The following RGS2 variants were observed in gnomAD, a reference collection of about 807,000 sequenced individuals.
RGS2 encodes the protein G0 to G1 switch regulatory 8, 24kD.
Under a neutral mutation model 26.6 loss-of-function variants are expected in RGS2, and 20 were observed. The observed-to-expected ratio is 0.75, with a 90% CI of 0.53 to 1.09. The LOEUF (loss-of-function observed/expected upper bound fraction) is 1.09, where lower values mean the gene tolerates loss of function less well. RGS2 is among the 50% of genes least tolerant of loss of function. The pLI is 0.00. For missense variants in RGS2, 246 were observed against 245.5 expected (o/e 1.00, Z -0.01); for synonymous variants, 97 against 79.9 (o/e 1.21, Z -1.14).
chr1:192,810,432 G>C lies in RGS2; in HGVS notation c.274+1G>C, dbSNP rs547204431. On this transcript the variant is annotated splice_donor_variant, in intron 3 of 4. Coordinates refer to ENST00000235382, the MANE Select transcript of RGS2 (RefSeq NM_002923.4). LOFTEE classifies it high-confidence loss of function. Reference sequence around the variant, plus strand: ...TTTGACGAGCTGCTAGCCAGCAAATGTAAGTTAACTCTTGAGCTTGAGCCA... The same window carrying C: ...TTTGACGAGCTGCTAGCCAGCAAATCTAAGTTAACTCTTGAGCTTGAGCCA... The C allele has an allele frequency of 8.7e-6, 14 of 1,613,746 alleles. No homozygotes were observed. The highest frequency in any genetic ancestry group is 2.7e-5 in the African/African-American group (2 of 74,934).
rs781487798 is a variant in RGS2 at position 192,809,047 on chromosome 1, C to G, written c.-25C>G. The stretch of plus-strand genomic sequence containing the variant: ...GCGACGCACGCCCAGCCGCAAACAG[C>G]CGGGGCTCCAGCGGGAGAACGATAA... On this transcript the variant is annotated 5_prime_UTR_variant, in exon 1 of 5. Coordinates refer to ENST00000235382, the MANE Select transcript of RGS2 (RefSeq NM_002923.4). 3.2e-6 allele frequency: 5 copies of G among 1,559,796 alleles called. No individual in the cohort carries two copies. Among genetic ancestry groups the G allele is most frequent in the Non-Finnish European group, 4.4e-6 (5 of 1,130,528 alleles).
Position 192,811,598 on chromosome 1 carries a change from A to C in RGS2, c.*2A>C. The C allele has an allele frequency of 6.2e-7, 1 of 1,613,730 alleles. No individual in the cohort carries two copies. Among genetic ancestry groups the C allele is most frequent in the Non-Finnish European group, 8.5e-7 (1 of 1,179,620 alleles). ...ACCACAGAGCCTCATGCTACATGAA[A>C]TGTAAAAGGGAGCCCAGAAATGGAG... On this transcript the variant is annotated 3_prime_UTR_variant, in exon 5 of 5. Transcript: ENST00000235382.
In RGS2 at chr1:192,811,043, T is replaced by A; in HGVS notation, c.337T>A (p.Trp113Arg). 6.2e-7 allele frequency: 1 copy of A among 1,614,124 alleles called. No individual in the cohort carries two copies. The highest frequency in any genetic ancestry group is 8.5e-7 in the Non-Finnish European group (1 of 1,179,990). The change falls in exon 4 of 5, where the codon TGG becomes AGG. Residue 113 changes from tryptophan to arginine, a missense_variant. By Grantham distance (101) the Trp-to-Arg change is moderately radical. Transcript: ENST00000235382. ...SEFCEENIEF[W>R]LACEDFKKTK... ...ATTCTGTGAAGAAAATATTGAATTC[T>A]GGCTGGCCTGTGAAGACTTCAAAAA... is the stretch of plus-strand genomic sequence containing the variant.
Position 192,811,736 on chromosome 1 carries a change from G to A in RGS2, c.*140G>A. ...ACTCAGAACTATTGATTCAAAGTTGGGTAGTGAATCAGGAAGCCAGTAACT... is the reference window on the plus strand; with the variant it reads ...ACTCAGAACTATTGATTCAAAGTTGAGTAGTGAATCAGGAAGCCAGTAACT... On this transcript the variant is annotated 3_prime_UTR_variant, in exon 5 of 5. Coordinates refer to ENST00000235382, the MANE Select transcript of RGS2 (RefSeq NM_002923.4). 2.3e-6 allele frequency: 2 copies of A among 856,838 alleles called. No homozygotes were observed. The allele number at this position is 856,838 out of a possible 1,614,324, so 53.1% of individuals were successfully genotyped here.
In RGS2 at chr1:192,809,148, G is replaced by C; in HGVS notation, c.77G>C (p.Ser26Thr). The C allele has an allele frequency of 1.9e-6, 3 of 1,613,780 alleles. No individual in the cohort carries two copies. Among genetic ancestry groups the C allele is most frequent in the Non-Finnish European group, 2.5e-6 (3 of 1,179,688 alleles). ...MDKSAGSGHKSEEKREKMKRT... is the reference protein window; with the variant it reads ...MDKSAGSGHKTEEKREKMKRT... Reference sequence around the variant, plus strand: ...AAGAGCGCAGGCAGTGGCCACAAGAGCGAGGAGAAGCGAGAAAAGATGAAA... The same window carrying C: ...AAGAGCGCAGGCAGTGGCCACAAGACCGAGGAGAAGCGAGAAAAGATGAAA... The change falls in exon 1 of 5, where the codon AGC (serine) becomes ACC (threonine). Residue 26 changes from serine (S) to threonine (T), a missense_variant. Transcript: ENST00000235382.
rs920444877 is a variant in RGS2, at chr1:192,811,958, A to C, written c.*362A>C. 1.2e-5 allele frequency: 4 copies of C among 323,452 alleles called. No homozygotes were observed. The highest frequency in any genetic ancestry group is 2.4e-5 in the Non-Finnish European group (4 of 166,492). 20.0% of individuals were successfully genotyped at this position (323,452 alleles called of 1,614,324 possible). On this transcript the variant is annotated 3_prime_UTR_variant, in exon 5 of 5. Coordinates refer to ENST00000235382, the MANE Select transcript of RGS2 (RefSeq NM_002923.4). ...TATGTGGCCTTAGGTAGCTGGTTGT[A>C]CATCTTTCCCTAAATCGATCCATGT... is the stretch of plus-strand genomic sequence containing the variant.
chr1:192,810,926 C>A, intron 3 of RGS2, 55 bp from the exon 4 acceptor site: 2 of 1,487,306 alleles, frequency 1.3e-6, no homozygotes, highest in Non-Finnish European at 1.9e-6. Flanking sequence ...CATAAGGAAT[C>A]ATTTGGTCTC....
chr1:192,810,124 G>A (rs772418851), intron 1 of RGS2, 42 bp from the exon 2 acceptor site: 4 of 1,231,864 alleles, frequency 3.2e-6, no homozygotes, highest in Non-Finnish European at 4.8e-6. Context: ...GCATATTCAA[G>A]TGTTGCTAGT....
In RGS2 at chr1:192,811,063, C is replaced by CCAA. The variant is rs1665582997; in HGVS notation, c.357_358insCAA (p.Phe119_Lys120insGln). 6.2e-7 allele frequency: 1 copy of CCAA among 1,613,676 alleles called. No individual in the cohort carries two copies. The highest frequency in any genetic ancestry group is 1.3e-5 in the African/African-American group (1 of 74,808). On this transcript the variant is annotated inframe_insertion, in exon 4 of 5. Coordinates refer to ENST00000235382, the MANE Select transcript of RGS2 (RefSeq NM_002923.4). Reference sequence around the variant, plus strand: ...AATTCTGGCTGGCCTGTGAAGACTTCAAAAAAACCAAATCACCCCAAAAGC... The same window carrying CCAA: ...AATTCTGGCTGGCCTGTGAAGACTTCCAAAAAAAAACCAAATCACCCCAAAAGC...
Position 192,810,211 on chromosome 1 carries a change from C to G in RGS2, c.156C>G (p.Ser52=), listed in dbSNP as rs777261219. ...KTRLSYFLQN[S]STPGKPKTGK... Reference sequence around the variant, plus strand: ...GTTTGAGCTACTTCTTACAAAATTCCTCTACTCCTGGGAAGCCCAAAACCG... The same window carrying G: ...GTTTGAGCTACTTCTTACAAAATTCGTCTACTCCTGGGAAGCCCAAAACCG... Residue 52 remains serine (S), a synonymous_variant, in exon 2 of 5, where the codon TCC becomes TCG. Coordinates refer to ENST00000235382, the MANE Select transcript of RGS2 (RefSeq NM_002923.4). 9 of 1,613,822 alleles carry G rather than the reference C, an allele frequency of 5.6e-6. No individual in the cohort carries two copies. In the Admixed American group the frequency reaches 1.3e-4, roughly 24 times the overall value.
intron 3 of RGS2, 112 bp from the exon 4 acceptor site, chr1:192,810,869 C>T (rs1461789849): frequency 1.6e-6 from 2 of 1,254,822 alleles, no homozygotes; most frequent in Non-Finnish European, 2.3e-6. Flanking sequence ...TGAGCGAAAT[C>T]TAGAAAATTC....
chr1:192,810,899 G>A, intron 3 of RGS2, 82 bp from the exon 4 acceptor site: 1 of 1,345,958 alleles, frequency 7.4e-7, no homozygotes, highest in Non-Finnish European at 1.1e-6. Flanking sequence ...TAATTAAAAT[G>A]TGAGGGATAG....
Position 192,810,280 on chromosome 1 carries a change from T to A in RGS2, c.212+13T>A, listed in dbSNP as rs530693440. 1.2e-6 allele frequency: 2 copies of A among 1,610,580 alleles called. No individual in the cohort carries two copies. Among genetic ancestry groups the A allele is most frequent in the African/African-American group, 1.3e-5 (1 of 74,992 alleles). On this transcript the variant is annotated intron_variant, in intron 2 of 4. Transcript: ENST00000235382. Reference sequence around the variant, plus strand: ...AAGCTTTCATCAAGTAAGTTGAGAATCCTGTGCTTGCAAATATCAATAGTT... The same window carrying A: ...AAGCTTTCATCAAGTAAGTTGAGAAACCTGTGCTTGCAAATATCAATAGTT...
rs759744224 is a variant in RGS2 at position 192,810,152 on chromosome 1, A to AT, written c.111-8dup. 3 of 1,513,694 alleles carry AT rather than the reference A, an allele frequency of 2.0e-6. No homozygotes were observed. The highest frequency in any genetic ancestry group is 2.7e-5 in the African/African-American group (2 of 72,828). The allele number at this position is 1,513,694 out of a possible 1,614,324, so 93.8% of individuals were successfully genotyped here. On this transcript the variant is annotated splice_polypyrimidine_tract_variant and intron_variant, in intron 1 of 4. Transcript: ENST00000235382. ...TTGCTAGTTAGTAATTATCTTTTTAATTTTTTGTTTTAGTTTAAAAGATTG... is the reference window on the plus strand; with the variant it reads ...TTGCTAGTTAGTAATTATCTTTTTAATTTTTTTGTTTTAGTTTAAAAGATTG...
Position 192,810,991 on chromosome 1 carries a change from T to C in RGS2, c.285T>C (p.Ala95=), listed in dbSNP as rs1394601667. 1 of 1,614,154 alleles carries C rather than the reference T, an allele frequency of 6.2e-7. No homozygotes were observed. Among genetic ancestry groups the C allele is most frequent in the Non-Finnish European group, 8.5e-7 (1 of 1,179,976 alleles). The change falls in exon 4 of 5, where the codon GCT becomes GCC. Residue 95 remains alanine, a synonymous_variant. Coordinates refer to ENST00000235382, the MANE Select transcript of RGS2 (RefSeq NM_002923.4). The stretch of plus-strand genomic sequence containing the variant: ...TTCTCCCCCCTTCAGATGGTCTTGC[T>C]GCATTCAGGGCTTTTTTAAAGTCGG... The part of the protein sequence containing the change: ...DELLASKYGL[A]AFRAFLKSEF...
intron 1 of RGS2, chr1:192,809,404 C>A: frequency 1.8e-6 from 1 of 550,756 alleles, no homozygotes; most frequent in Admixed American, 2.9e-5. Context: ...GTGGTTGATG[C>A]GCTAAGAAAT....
In RGS2 at chr1:192,810,973, C is replaced by T. The variant is rs749759020; in HGVS notation, c.275-8C>T. 17 of 1,613,356 alleles carry T rather than the reference C, an allele frequency of 1.1e-5. No individual in the cohort carries two copies. Among genetic ancestry groups the T allele is most frequent in the Non-Finnish European group, 2.5e-6 (3 of 1,179,484 alleles). ...CATTCTGCATGCTCTCTTTTCTCCC[C>T]CCTTCAGATGGTCTTGCTGCATTCA... On this transcript the variant is annotated splice_polypyrimidine_tract_variant and splice_region_variant and intron_variant, in intron 3 of 4. Coordinates refer to ENST00000235382, the MANE Select transcript of RGS2 (RefSeq NM_002923.4).
chr1:192,809,417 C>T, intron 1 of RGS2: 1 of 532,314 alleles, frequency 1.9e-6, no homozygotes, highest in Non-Finnish European at 3.4e-6. Context: ...TAAGAAATTG[C>T]GGGTTGGCTT....
intron 3 of RGS2, chr1:192,810,696 G>GT: frequency 1.6e-6 from 1 of 610,666 alleles, no homozygotes; most frequent in Non-Finnish European, 2.9e-6. Context: ...TGCATACAAT[G>GT]TTTTCAAGAG....
Sources: gnomAD v4.1 joint callset for allele counts on GRCh38, gnomAD v4.1.1 for gene constraint, MANE v1.5 for transcripts, NCBI Gene and HGNC (gene_info 2026-07-23, HGNC 2026-07-21) for gene names.